Variants in SLC41A3 observed in about 807,000 individuals in gnomAD.
SLC41A3 encodes the protein solute carrier family 41 member 3, also known as SLC41A1-like 2.
SLC41A3 carries 44 observed loss-of-function variants against 45.4 expected under a neutral mutation model. That is an observed-to-expected ratio of 0.97 (90% confidence interval 0.76 to 1.25). The LOEUF is 1.25. SLC41A3 is among the 50% of genes most tolerant of loss of function. The probability of loss-of-function intolerance (pLI) is 0.00; values close to 1 mark genes in which losing one functional copy is unlikely to be tolerated. For synonymous variants in SLC41A3, 256 were observed against 252.4 expected, an observed-to-expected ratio of 1.01 and a Z score of -0.13; for missense variants, 550 against 600.6, an observed-to-expected ratio of 0.92 and a Z score of 0.88.
intron 1 of SLC41A3, among the ~76,000 whole-genome samples, chr3:126,082,394 C>T (rs960650761): frequency 6.6e-6 from 1 of 152,226 alleles, no homozygotes; most frequent in South Asian, 2.1e-4. Flanking sequence ...GGGGGTGATA[C>T]AGGACAGCCC....
chr3:126,061,006 G>A (rs1046369728), intron 2 of SLC41A3, among the ~76,000 whole-genome samples: 3 of 152,204 alleles, frequency 2.0e-5, no homozygotes, highest in Non-Finnish European at 2.9e-5. Context: ...CCACCACCTC[G>A]TTCTTACTGG....
intron 3 of SLC41A3, among the ~76,000 whole-genome samples, chr3:126,043,920 T>C (rs1012670544): frequency 9.9e-5 from 15 of 151,838 alleles, no homozygotes; most frequent in African/African-American, 2.2e-4. Context: ...ATTGCAACGG[T>C]AAGTCCTTTC....
chr3:126,073,577 C>A (rs1944732584), intron 1 of SLC41A3, among the ~76,000 whole-genome samples: 1 of 152,020 alleles, frequency 6.6e-6, no homozygotes, highest in Non-Finnish European at 1.5e-5. Flanking sequence ...ACCCCTGAAC[C>A]TAAACGTTAA....
At chr3:126,064,247 G>A (rs920542213) in intron 2 of SLC41A3, among the ~76,000 whole-genome samples, 1 of 152,086 alleles carries the variant, frequency 6.6e-6, no homozygotes, top group Non-Finnish European at 1.5e-5. Flanking sequence ...CTGTGGATGA[G>A]GTTCCCAGCC....
chr3:126,078,064 T>G (rs916975977), intron 1 of SLC41A3, among the ~76,000 whole-genome samples: 1 of 152,158 alleles, frequency 6.6e-6, no homozygotes, highest in Non-Finnish European at 1.5e-5. Flanking sequence ...CTGAAGGACC[T>G]GCAGGGGCCC....
chr3:126,065,022 G>A (rs150244000), intron 2 of SLC41A3, among the ~76,000 whole-genome samples: 39 of 152,380 alleles, frequency 2.6e-4, no homozygotes, highest in Non-Finnish European at 4.4e-4. Context: ...AAGGCAAGAC[G>A]TAGGAGTGGC....
intron 4 of SLC41A3, among the ~76,000 whole-genome samples, chr3:126,030,274 A>G (rs1941701881): frequency 7.3e-6 from 1 of 137,660 alleles, no homozygotes; most frequent in Admixed American, 7.5e-5. Flanking sequence ...TATATGATAT[A>G]TAATATATAA....
At chr3:126,055,895 C>T (rs1943628070) in intron 2 of SLC41A3, among the ~76,000 whole-genome samples, 1 of 152,164 alleles carries the variant, frequency 6.6e-6, no homozygotes, top group African/African-American at 2.4e-5. Context: ...GCTGGGCACA[C>T]TGCAGCTCTG....
intron 3 of SLC41A3, among the ~76,000 whole-genome samples, chr3:126,047,712 G>A (rs1386698629): frequency 6.6e-6 from 1 of 152,152 alleles, no homozygotes; most frequent in Non-Finnish European, 1.5e-5. Context: ...GAAGTTGGAT[G>A]CTTATGTTAC....
At position 126,026,584 on chromosome 3, in the gene SLC41A3, C is replaced by CG; in HGVS notation, c.454-106_454-105insC. On this transcript the variant is annotated intron_variant, in intron 4 of 10. Coordinates refer to ENST00000360370, the MANE Select transcript of SLC41A3 (RefSeq NM_017836.4). This position sits in a 1 kb window ranked among gnomAD's most constrained non-coding sequence, Gnocchi z 4.2. ...GCAAGGGGCCGGGTGCCACATGCTA[C>CG]TGCCTCCTTTCCCTTACCCTAAAAT... 1 of 1,411,818 alleles carries CG rather than the reference C, an allele frequency of 7.1e-7. No homozygotes were observed. The allele number at this position is 1,411,818 out of a possible 1,614,324, so 87.5% of individuals were successfully genotyped here. A position where few individuals can be genotyped will look rare whatever the true frequency, so the allele number is the denominator to read the frequency against.
At chr3:126,021,803 A>G (rs1003603833) in intron 6 of SLC41A3, among the ~76,000 whole-genome samples, 15 of 152,226 alleles carry the variant, frequency 9.9e-5, no homozygotes, top group Admixed American at 7.2e-4. Context: ...AGTGCCCTGA[A>G]TATACACTTC....
intron 1 of SLC41A3, among the ~76,000 whole-genome samples, chr3:126,093,471 C>T (rs1288647026): frequency 6.6e-6 from 1 of 152,224 alleles, no homozygotes; most frequent in African/African-American, 2.4e-5. Flanking sequence ...GCCGGTAGTG[C>T]TGCAGTAGAT....
intron 1 of SLC41A3, among the ~76,000 whole-genome samples, chr3:126,093,922 ACAG>A (rs1320858640): frequency 6.6e-6 from 1 of 152,192 alleles, no homozygotes; most frequent in African/African-American, 2.4e-5. Context: ...TCATTTCTCT[ACAG>A]CACTGGCCGT....
intron 4 of SLC41A3, among the ~76,000 whole-genome samples, chr3:126,031,933 T>C (rs1407552355): frequency 2.0e-5 from 3 of 152,174 alleles, no homozygotes; most frequent in Non-Finnish European, 4.4e-5. Flanking sequence ...GCAGCAGACA[T>C]GTAAACACAC....
In SLC41A3 at chr3:126,033,582, A is replaced by C. The variant is rs767198803; in HGVS notation, c.453+25T>G. Reference sequence around the variant, plus strand: ...AAGCCTGGCTGCAGATTCAGAAGGGAGGGTCGGACAAGGTGAAGACTCACC... The same window carrying C: ...AAGCCTGGCTGCAGATTCAGAAGGGCGGGTCGGACAAGGTGAAGACTCACC... On this transcript the variant is annotated intron_variant, in intron 4 of 10. Transcript: ENST00000360370. 1.0e-5 allele frequency: 16 copies of C among 1,607,756 alleles called. No homozygotes were observed. The South Asian group carries it at 1.6e-4, about 16-fold the overall frequency.
intron 1 of SLC41A3, among the ~76,000 whole-genome samples, chr3:126,093,400 C>G (rs1265910048): frequency 6.6e-6 from 1 of 152,220 alleles, no homozygotes; most frequent in Non-Finnish European, 1.5e-5. Flanking sequence ...CCATTCCAAA[C>G]CAGGGCATTT....
chr3:126,082,766 G>C (rs1403624286), intron 1 of SLC41A3, among the ~76,000 whole-genome samples: 1 of 151,938 alleles, frequency 6.6e-6, no homozygotes, highest in African/African-American at 2.4e-5. Flanking sequence ...GGACCCAGCA[G>C]CTCACACAGA....
At chr3:126,098,574 G>T (rs1262816595) in intron 1 of SLC41A3, among the ~76,000 whole-genome samples, 1 of 152,222 alleles carries the variant, frequency 6.6e-6, no homozygotes, top group Non-Finnish European at 1.5e-5. Flanking sequence ...AAGGAAGGAA[G>T]GATTCCCAGC....
Position 126,026,407 on chromosome 3 carries a change from C to A in SLC41A3, c.526G>T (p.Val176Leu). The change falls in exon 5 of 11, where the codon GTG becomes TTG. Residue 176 changes from valine to leucine, a missense_variant. By Grantham distance (32) the Val-to-Leu change is conservative. Transcript: ENST00000360370. The surrounding 1 kb of genome is among the most constrained non-coding windows in gnomAD (Gnocchi z 4.2). ...LLLGVVSREE[V>L]DVAKVELLCA... ...AGCAACTCCACCTTGGCGACATCCA[C>A]TTCCTCTCGAGACACCACGCCCAAC... The A allele has an allele frequency of 6.3e-7, 1 of 1,594,426 alleles. No homozygotes were observed. The highest frequency in any genetic ancestry group is 2.3e-5 in the East Asian group (1 of 44,070).
Sources: gnomAD v4.1 joint callset for allele counts (sites outside exome capture counted in the v4.1 genomes callset) on GRCh38, gnomAD v4.1.1 for gene constraint, Gnocchi (gnomAD v3.1) non-coding constraint, MANE v1.5 for transcripts, NCBI Gene and HGNC (gene_info 2026-07-23, HGNC 2026-07-21) for gene names.